The following ALPK1 variants were observed in gnomAD, a reference collection of about 807,000 sequenced individuals.
ALPK1 encodes the protein alpha kinase 1.
A neutral mutation model predicts 120.6 loss-of-function variants in ALPK1; 110 were observed. The ratio of observed to expected loss-of-function variants is 0.91; its 90% CI spans 0.78 to 1.07. The LOEUF is 1.07. Ranked by LOEUF, ALPK1 falls within the 50% of genes least tolerant of loss-of-function variation. The pLI is 0.00. For missense variants in ALPK1, 1,498 were observed against 1,483.9 expected, an observed-to-expected ratio of 1.01 and a Z score of -0.16; for synonymous variants, 582 against 560.3, an observed-to-expected ratio of 1.04 and a Z score of -0.55.
chr4:112,373,800 G>A (rs1443310977), intron 2 of ALPK1, among the ~76,000 whole-genome samples: 1 of 152,182 alleles, frequency 6.6e-6, no homozygotes, highest in Non-Finnish European at 1.5e-5. Context: ...TGAAAGTTAT[G>A]TTTACACCAT....
chr4:112,426,478 G>A lies in ALPK1; in HGVS notation c.634G>A (p.Glu212Lys), dbSNP rs773395036. The A allele has an allele frequency of 7.5e-6, 12 of 1,604,704 alleles. No individual in the cohort carries two copies. Among genetic ancestry groups the A allele is most frequent in the South Asian group, 2.2e-5 (2 of 89,514 alleles). Residue 212 changes from glutamate to lysine, a missense_variant, in exon 8 of 16, where the codon GAA becomes AAA. Transcript: ENST00000650871. ...QILQKLGMWY[E>K]AAELIWASIV... The stretch of plus-strand genomic sequence containing the variant: ...CTTTTTTTTTTCAGGGATGTGGTAC[G>A]AAGCAGCAGAGTTAATATGGGCCTC...
At chr4:112,417,932 A>G (rs1733813858) in intron 5 of ALPK1, among the ~76,000 whole-genome samples, 1 of 152,244 alleles carries the variant, frequency 6.6e-6, no homozygotes, top group Non-Finnish European at 1.5e-5. Flanking sequence ...AGGGATAGAA[A>G]TGTAATCAGG....
chr4:112,329,164 C>G (rs922563342), intron 2 of ALPK1, among the ~76,000 whole-genome samples: 2 of 151,894 alleles, frequency 1.3e-5, no homozygotes, highest in Non-Finnish European at 1.5e-5. Flanking sequence ...TTGGGAAGAA[C>G]AAGAAGGCAG....
intron 1 of ALPK1, among the ~76,000 whole-genome samples, chr4:112,308,905 G>A (rs1462206740): frequency 6.6e-6 from 1 of 152,034 alleles, no homozygotes; most frequent in Non-Finnish European, 1.5e-5. Context: ...TTTGATGATG[G>A]TGACGTACAG....
chr4:112,323,746 T>G (rs1252183073), intron 2 of ALPK1, among the ~76,000 whole-genome samples: 1 of 152,226 alleles, frequency 6.6e-6, no homozygotes, highest in African/African-American at 2.4e-5. Flanking sequence ...ATATTAAGTT[T>G]GTCAGAGTCT....
At chr4:112,346,624 GCCTACTCTTT>G (rs547256186) in intron 2 of ALPK1, among the ~76,000 whole-genome samples, 2 of 152,300 alleles carry the variant, frequency 1.3e-5, no homozygotes, top group Admixed American at 6.5e-5. Flanking sequence ...CAGTCATTTG[GCCTACTCTTT>G]CCCCATGTGG....
At chr4:112,314,874 G>GC (rs1728564708) in intron 1 of ALPK1, among the ~76,000 whole-genome samples, 1 of 141,770 alleles carries the variant, frequency 7.1e-6, no homozygotes, top group Non-Finnish European at 1.5e-5. Context: ...GTAATCCATT[G>GC]CCTTTTTTTT....
chr4:112,433,509 C>G (rs1452303757), intron 11 of ALPK1, among the ~76,000 whole-genome samples: 4 of 152,138 alleles, frequency 2.6e-5, no homozygotes, highest in Non-Finnish European at 4.4e-5. Flanking sequence ...CTACAGTACC[C>G]CTACTGTTGC....
chr4:112,432,459 A>G lies in ALPK1; in HGVS notation c.2912A>G (p.Glu971Gly). The change falls in exon 11 of 16, where the codon GAG (glutamate) becomes GGG (glycine). Residue 971 changes from glutamate to glycine, a missense_variant. By Grantham distance (98) the Glu-to-Gly change is moderately conservative. Transcript: ENST00000650871. ...LPGKMRKEIL[E>G]ARTLQPDDFE... ...GGAAAGATGAGGAAAGAGATCCTTG[A>G]GGCTCGCACCTTGCAACCTGATGAC... 1 of 1,614,158 alleles carries G rather than the reference A, an allele frequency of 6.2e-7. No individual in the cohort carries two copies. The highest frequency in any genetic ancestry group is 1.1e-5 in the South Asian group (1 of 91,082).
intron 12 of ALPK1, among the ~76,000 whole-genome samples, chr4:112,436,239 TTA>T (rs1325633570): frequency 6.6e-6 from 1 of 152,218 alleles, no homozygotes; most frequent in East Asian, 1.9e-4. Flanking sequence ...AGGTCCTGTT[TTA>T]AATGATTTAT....
At position 112,382,432 on chromosome 4, in the gene ALPK1, G is replaced by A. The variant is rs1731963822; in HGVS notation, c.156G>A (p.Gln52=). The A allele has an allele frequency of 1.2e-6, 2 of 1,613,932 alleles. No homozygotes were observed. Among genetic ancestry groups the A allele is most frequent in the South Asian group, 2.2e-5 (2 of 91,064 alleles). The change falls in exon 4 of 16, where the codon CAG becomes CAA. Residue 52 remains glutamine (Q), a synonymous_variant. Transcript: ENST00000650871. The part of the protein sequence containing the change: ...LLPSELRTLI[Q]EAKEMKWPFV... Reference sequence around the variant, plus strand: ...CCAGCGAGTTAAGGACCCTGATCCAGGAGGCAAAGGAAATGAAGTGGCCCT... The same window carrying A: ...CCAGCGAGTTAAGGACCCTGATCCAAGAGGCAAAGGAAATGAAGTGGCCCT...
At position 112,331,135 on chromosome 4, in the gene ALPK1, T is replaced by C. The variant is rs114859698; in HGVS notation, c.-101+15283T>C. ...ATTTGCTGTGGTAAGGGGAACTTCA[T>C]GTGGTTGAGTCCATGCATAACCTTC... is the stretch of plus-strand genomic sequence containing the variant. On this transcript the variant is annotated intron_variant, in intron 2 of 15. Transcript: ENST00000650871. 9.3e-3 allele frequency among the ~76,000 whole-genome samples: 1,409 copies of C among 152,286 alleles called. 15 individuals are homozygous for C. Among genetic ancestry groups the C allele is most frequent in the African/African-American group, 0.032 (1,345 of 41,556 alleles).
intron 2 of ALPK1, chr4:112,359,749 A>T: frequency 2.7e-6 from 1 of 370,952 alleles, no homozygotes. Context: ...GGCCTCTAGG[A>T]CGTGCCCAAC....
chr4:112,320,001 T>G (rs1728797081), intron 2 of ALPK1, among the ~76,000 whole-genome samples: 1 of 152,226 alleles, frequency 6.6e-6, no homozygotes, highest in Non-Finnish European at 1.5e-5. Context: ...AGTCACAGTT[T>G]GACTTCCTCA....
intron 2 of ALPK1, among the ~76,000 whole-genome samples, chr4:112,349,551 G>GCCT (rs1553939345): frequency 9.6e-6 from 1 of 103,714 alleles, no homozygotes; most frequent in African/African-American, 4.1e-5. Flanking sequence ...CCCAACCCCT[G>GCCT]CCCCCCCCCG....
chr4:112,349,293 G>A (rs1368072479), intron 2 of ALPK1, among the ~76,000 whole-genome samples: 1 of 152,150 alleles, frequency 6.6e-6, no homozygotes, highest in African/African-American at 2.4e-5. Flanking sequence ...ACTTTGCATA[G>A]TCAAGCAATT....
chr4:112,354,721 G>C (rs189147929), intron 2 of ALPK1, among the ~76,000 whole-genome samples: 4 of 152,110 alleles, frequency 2.6e-5, no homozygotes, highest in African/African-American at 9.7e-5. Flanking sequence ...ACCCACTTCC[G>C]CCTCCCAAAG....
intron 2 of ALPK1, among the ~76,000 whole-genome samples, chr4:112,364,879 C>A (rs1034685989): frequency 6.6e-6 from 1 of 152,044 alleles, no homozygotes; most frequent in African/African-American, 2.4e-5. Context: ...GGTTTCATAC[C>A]AGGGATGCAG....
intron 2 of ALPK1, among the ~76,000 whole-genome samples, chr4:112,317,337 C>T (rs1728680016): frequency 6.6e-6 from 1 of 152,034 alleles, no homozygotes; most frequent in Non-Finnish European, 1.5e-5. Context: ...AGCCTTCCTC[C>T]TATGTGTTCT....
Sources: gnomAD v4.1 joint callset for allele counts (sites outside exome capture counted in the v4.1 genomes callset) on GRCh38, gnomAD v4.1.1 for gene constraint, MANE v1.5 for transcripts, NCBI Gene and HGNC (gene_info 2026-07-23, HGNC 2026-07-21) for gene names.